PCP4: variants seen among roughly 807,000 people sequenced by gnomAD.
PCP4 encodes calmodulin regulator protein PCP4.
PCP4 carries 8 observed loss-of-function variants against 10.0 expected under a neutral mutation model. The ratio of observed to expected loss-of-function variants is 0.80; its 90% CI spans 0.47 to 1.45. PCP4 has a LOEUF of 1.45. Ranked by LOEUF, PCP4 falls within the 40% of genes most tolerant of loss-of-function variation. The pLI, the probability that PCP4 is intolerant of heterozygous loss-of-function variation, is 0.00. For synonymous variants in PCP4, 21 were observed against 23.0 expected, an observed-to-expected ratio of 0.91 and a Z score of 0.24; for missense variants, 54 against 74.4, an observed-to-expected ratio of 0.73 and a Z score of 1.01.
intron 1 of PCP4, among the ~76,000 whole-genome samples, chr21:39,896,676 T>G (rs751102480): frequency 1.3e-5 from 2 of 152,228 alleles, no homozygotes; most frequent in South Asian, 2.1e-4. Context: ...TGGTTCACTT[T>G]GTTAATATAA....
chr21:39,869,912 C>T (rs2087311833), intron 1 of PCP4, among the ~76,000 whole-genome samples: 1 of 152,320 alleles, frequency 6.6e-6, no homozygotes, highest in African/African-American at 2.4e-5. Flanking sequence ...TGGATTTTGC[C>T]AGACTTTCCT....
chr21:39,903,155 C>G (rs2087488987), intron 2 of PCP4, among the ~76,000 whole-genome samples: 1 of 152,118 alleles, frequency 6.6e-6, no homozygotes, highest in African/African-American at 2.4e-5. Context: ...CTGCTGGGAG[C>G]CTTCCAACCT....
intron 1 of PCP4, among the ~76,000 whole-genome samples, chr21:39,871,090 C>T (rs2087317444): frequency 6.6e-6 from 1 of 152,148 alleles, no homozygotes; most frequent in Non-Finnish European, 1.5e-5. Flanking sequence ...AAGAAGAAAG[C>T]TGTAAATGGC....
rs2146330452 is a variant in PCP4, at chr21:39,885,569, GTGGTTTGGGGTTC to G, written c.10-12906_10-12894del. ...AGCCCAGGGAGTGTCCTACCTCCAT[GTGGTTTGGGGTTC>G]AGGAGAGAATTCAGCCCATGCCCGT... is the stretch of plus-strand genomic sequence containing the variant. On this transcript the variant is annotated intron_variant, in intron 1 of 2. Coordinates refer to ENST00000328619, the MANE Select transcript of PCP4 (RefSeq NM_006198.3). 2.0e-5 allele frequency among the ~76,000 whole-genome samples: 3 copies of G among 152,356 alleles called. No individual in the cohort carries two copies. In the South Asian group the frequency reaches 6.2e-4, roughly 32 times the overall value.
intron 1 of PCP4, among the ~76,000 whole-genome samples, chr21:39,891,368 G>T (rs1277530448): frequency 6.6e-6 from 1 of 152,124 alleles, no homozygotes; most frequent in Non-Finnish European, 1.5e-5. Flanking sequence ...CTTGCCTTGG[G>T]GCTTCCTCAT....
At chr21:39,874,753 C>T (rs1173056491) in intron 1 of PCP4, among the ~76,000 whole-genome samples, 2 of 150,868 alleles carry the variant, frequency 1.3e-5, no homozygotes, top group African/African-American at 4.9e-5. Flanking sequence ...AAAGGTTACA[C>T]CTGCTTTAAA....
intron 2 of PCP4, among the ~76,000 whole-genome samples, chr21:39,904,365 T>C (rs2837286): frequency 0.14 from 20,864 of 152,182 alleles, 1,663 homozygotes; most frequent in Middle Eastern, 0.23. Context: ...TTAGGATATA[T>C]TTTATCTGTC....
chr21:39,920,542 A>G (rs898593737), intron 2 of PCP4, among the ~76,000 whole-genome samples: 1 of 152,054 alleles, frequency 6.6e-6, no homozygotes, highest in South Asian at 2.1e-4. Flanking sequence ...GGTTCCTCCA[A>G]TGATCTAACC....
intron 1 of PCP4, among the ~76,000 whole-genome samples, chr21:39,870,818 C>T (rs981447927): frequency 4.6e-5 from 7 of 152,204 alleles, no homozygotes; most frequent in Non-Finnish European, 8.8e-5. Context: ...CTCTTCGTAA[C>T]CCCGAGTTTC....
intron 2 of PCP4, among the ~76,000 whole-genome samples, chr21:39,921,092 C>G (rs1021804649): frequency 6.6e-6 from 1 of 152,250 alleles, no homozygotes; most frequent in East Asian, 1.9e-4. Flanking sequence ...ACAGGGATGG[C>G]TCTCTCAGAC....
At position 39,902,392 on chromosome 21, in the gene PCP4, A is replaced by G. The variant is rs146583898; in HGVS notation, c.61+3865A>G. ...GGTGCCTTGAAATTATTTGGATCACAAAAGACCCAAGTCAGGTACATTAAA... is the reference window on the plus strand; with the variant it reads ...GGTGCCTTGAAATTATTTGGATCACGAAAGACCCAAGTCAGGTACATTAAA... On this transcript the variant is annotated intron_variant, in intron 2 of 2. Transcript: ENST00000328619. 7.0e-4 allele frequency among the ~76,000 whole-genome samples: 106 copies of G among 152,354 alleles called. 1 individual carries two copies. The East Asian group carries it at 0.016, about 24-fold the overall frequency.
chr21:39,912,491 G>T (rs2146345263), intron 2 of PCP4, among the ~76,000 whole-genome samples: 1 of 152,106 alleles, frequency 6.6e-6, no homozygotes, highest in East Asian at 1.9e-4. Context: ...CAAAGGGCAG[G>T]AGCCTTGCTT....
intron 1 of PCP4, among the ~76,000 whole-genome samples, chr21:39,896,383 C>G (rs1355513630): frequency 1.3e-5 from 2 of 152,170 alleles, no homozygotes; most frequent in African/African-American, 4.8e-5. Context: ...GGTGGCTGTT[C>G]CATCTCGGAT....
chr21:39,911,452 C>T (rs563366858), intron 2 of PCP4, among the ~76,000 whole-genome samples: 1 of 152,168 alleles, frequency 6.6e-6, no homozygotes, highest in East Asian at 1.9e-4. Flanking sequence ...AACAGTGGTC[C>T]ACTCGACAGA....
intron 1 of PCP4, chr21:39,883,558 A>C (rs1413035731): frequency 6.6e-6 from 1 of 152,254 alleles, no homozygotes; most frequent in East Asian, 1.9e-4. Context: ...ACACAGGTAG[A>C]GCCTACGTCC....
chr21:39,873,234 G>A (rs2087329165), intron 1 of PCP4, among the ~76,000 whole-genome samples: 1 of 152,134 alleles, frequency 6.6e-6, no homozygotes. Flanking sequence ...ATAAGAGAGA[G>A]TCTAAGCAGA....
At chr21:39,911,016 C>T (rs12482204) in intron 2 of PCP4, among the ~76,000 whole-genome samples, 19,987 of 152,210 alleles carry the variant, frequency 0.13, 1,515 homozygotes, top group Admixed American at 0.19. Flanking sequence ...CGAATTCTGA[C>T]TCTTTATGAT....
chr21:39,876,845 A>T (rs1276359948), intron 1 of PCP4, among the ~76,000 whole-genome samples: 3 of 152,200 alleles, frequency 2.0e-5, no homozygotes, highest in Non-Finnish European at 4.4e-5. Context: ...TGTGCTGTGA[A>T]CAACCTATGC....
intron 1 of PCP4, among the ~76,000 whole-genome samples, chr21:39,880,086 A>G (rs1395431626): frequency 2.0e-5 from 3 of 151,792 alleles, no homozygotes; most frequent in Non-Finnish European, 2.9e-5. Context: ...TATCTTTGCA[A>G]TGTCTGGAGA....
Sources: allele counts gnomAD v4.1 joint callset (sites outside exome capture counted in the v4.1 genomes callset), GRCh38; gene constraint gnomAD v4.1.1; transcripts MANE v1.5; gene names NCBI Gene and HGNC (gene_info 2026-07-23, HGNC 2026-07-21).